The following CSMD3 variants were observed in gnomAD, a reference collection of about 807,000 sequenced individuals.
CSMD3 encodes CUB and Sushi multiple domains 3, also known as CUB and sushi domain-containing protein 3.
In CSMD3, 177 loss-of-function variants were observed where a neutral mutation model predicts 435.2. The observed-to-expected ratio is 0.41, with a 90% CI of 0.36 to 0.46. CSMD3 has a LOEUF of 0.46. Among genes scored for constraint, CSMD3 ranks in the 20% least tolerant of loss-of-function variants. The probability of loss-of-function intolerance (pLI) is 0.34; values close to 1 mark genes in which losing one functional copy is unlikely to be tolerated. For synonymous variants in CSMD3, 1,656 were observed against 1,520.5 expected, an observed-to-expected ratio of 1.09 and a Z score of -2.07; for missense variants, 4,265 against 4,504.6, an observed-to-expected ratio of 0.95 and a Z score of 1.52.
chr8:113,057,008 CTGTT>C (rs1356353972), intron 5 of CSMD3, among the ~76,000 whole-genome samples: 1 of 152,120 alleles, frequency 6.6e-6, no homozygotes, highest in African/African-American at 2.4e-5. Flanking sequence ...ATTTGGGAAG[CTGTT>C]TGCCACCACC....
intron 42 of CSMD3, among the ~76,000 whole-genome samples, chr8:112,339,675 A>C (rs1358597121): frequency 6.6e-6 from 1 of 152,182 alleles, no homozygotes; most frequent in Non-Finnish European, 1.5e-5. Context: ...ATTAATTTTC[A>C]AACTGATTCC....
intron 19 of CSMD3, among the ~76,000 whole-genome samples, chr8:112,646,627 A>G (rs1219233283): frequency 6.6e-6 from 1 of 152,176 alleles, no homozygotes; most frequent in Non-Finnish European, 1.5e-5. Context: ...ACATTTAAAC[A>G]TTTAGGAGGA....
intron 1 of CSMD3, among the ~76,000 whole-genome samples, chr8:113,432,651 C>G (rs1016972507): frequency 2.0e-4 from 31 of 152,186 alleles, no homozygotes; most frequent in African/African-American, 7.5e-4. Flanking sequence ...AGCCACAATC[C>G]CCACTCGTTG....
rs192541143 is a variant in CSMD3 at position 112,896,870 on chromosome 8, T to C, written c.1633+24757A>G. 5.4e-4 allele frequency among the ~76,000 whole-genome samples: 82 copies of C among 151,520 alleles called. No individual in the cohort carries two copies. In the East Asian group the frequency reaches 7.5e-3, roughly 14 times the overall value. ...CTCTTAGAATAAAAACAAGCTTCCA[T>C]ACCTTGGCCTATAAAAACCTGCCTC... is the stretch of plus-strand genomic sequence containing the variant. On this transcript the variant is annotated intron_variant, in intron 10 of 70. Coordinates refer to ENST00000297405, the MANE Select transcript of CSMD3 (RefSeq NM_198123.2).
chr8:113,192,597 C>CT (rs1215641134), intron 3 of CSMD3, among the ~76,000 whole-genome samples: 1 of 151,536 alleles, frequency 6.6e-6, no homozygotes, highest in Non-Finnish European at 1.5e-5. Flanking sequence ...ATATCTCTGA[C>CT]TTTTTTCTCT....
At chr8:112,379,445 G>A (rs1333519856) in intron 38 of CSMD3, among the ~76,000 whole-genome samples, 1 of 152,010 alleles carries the variant, frequency 6.6e-6, no homozygotes, top group East Asian at 1.9e-4. Context: ...TTCTAGCCTG[G>A]GCAACAAGAG....
chr8:113,364,823 C>T (rs577228454), intron 1 of CSMD3, among the ~76,000 whole-genome samples: 28 of 152,144 alleles, frequency 1.8e-4, no homozygotes, highest in African/African-American at 6.5e-4. Context: ...GATACCAAAA[C>T]ATGTTACATC....
intron 22 of CSMD3, among the ~76,000 whole-genome samples, chr8:112,635,041 A>C (rs1338382726): frequency 6.6e-6 from 1 of 151,968 alleles, no homozygotes; most frequent in Non-Finnish European, 1.5e-5. Context: ...AGATGACTTT[A>C]CATAAAAGAA....
chr8:112,965,948 C>T (rs556558006), intron 7 of CSMD3, among the ~76,000 whole-genome samples: 1 of 151,684 alleles, frequency 6.6e-6, no homozygotes, highest in Non-Finnish European at 1.5e-5. Flanking sequence ...TGGTACATTT[C>T]TGAACATGAA....
At chr8:112,804,909 C>T (rs772876882) in intron 12 of CSMD3, among the ~76,000 whole-genome samples, 2 of 152,070 alleles carry the variant, frequency 1.3e-5, no homozygotes, top group East Asian at 1.9e-4. Flanking sequence ...GTGATCTGCC[C>T]GCCTCAGCCT....
At chr8:113,256,394 T>C (rs2093381035) in intron 3 of CSMD3, among the ~76,000 whole-genome samples, 1 of 152,182 alleles carries the variant, frequency 6.6e-6, no homozygotes, top group Non-Finnish European at 1.5e-5. Context: ...CCATTCCTTA[T>C]TCCCCAGATT....
At chr8:112,539,895 G>A (rs750529793) in intron 27 of CSMD3, among the ~76,000 whole-genome samples, 16 of 151,954 alleles carry the variant, frequency 1.1e-4, no homozygotes, top group Non-Finnish European at 1.8e-4. Context: ...AAAACTAAAC[G>A]AATGTGATTA....
Position 112,796,188 on chromosome 8 carries a change from T to C in CSMD3, c.1972+3974A>G, listed in dbSNP as rs1587322574. ...TCTCAAAATCACTTAGGATATAATA[T>C]TGCATAATGGAAAAAAGAATGAAGT... On this transcript the variant is annotated intron_variant, in intron 13 of 70. Transcript: ENST00000297405. Among the ~76,000 whole-genome samples, 3 of 152,096 alleles carry C rather than the reference T, an allele frequency of 2.0e-5. No homozygotes were observed. The East Asian group carries it at 5.8e-4, about 29-fold the overall frequency.
chr8:112,840,914 A>G (rs970210146), intron 11 of CSMD3, among the ~76,000 whole-genome samples: 1 of 151,740 alleles, frequency 6.6e-6, no homozygotes, highest in African/African-American at 2.4e-5. Flanking sequence ...CAGCACTGTT[A>G]TAGTGATATA....
chr8:112,827,073 A>G (rs1177468988), intron 12 of CSMD3, among the ~76,000 whole-genome samples: 1 of 148,444 alleles, frequency 6.7e-6, no homozygotes, highest in Admixed American at 6.8e-5. Context: ...AATCCCAACA[A>G]ATGTACTCTT....
intron 45 of CSMD3, among the ~76,000 whole-genome samples, chr8:112,333,909 T>G (rs1824316995): frequency 6.6e-6 from 1 of 152,248 alleles, no homozygotes; most frequent in African/African-American, 2.4e-5. Context: ...GTTTGGCAAC[T>G]AATTCATTTT....
At chr8:112,611,148 G>A (rs1311876998) in intron 22 of CSMD3, among the ~76,000 whole-genome samples, 1 of 152,126 alleles carries the variant, frequency 6.6e-6, no homozygotes, top group African/African-American at 2.4e-5. Flanking sequence ...TCAAGTGTTT[G>A]AAATTTCATG....
At chr8:113,242,509 T>C (rs1472222655) in intron 3 of CSMD3, among the ~76,000 whole-genome samples, 2 of 152,014 alleles carry the variant, frequency 1.3e-5, no homozygotes, top group African/African-American at 4.8e-5. Context: ...TCATATATTA[T>C]TGCTAACCCC....
At chr8:113,018,662 G>T (rs2086564436) in intron 6 of CSMD3, 1 of 177,850 alleles carries the variant, frequency 5.6e-6, no homozygotes, top group South Asian at 1.2e-4. Flanking sequence ...TCCTAACAAG[G>T]TTAATTAAAC....
Sources: allele counts gnomAD v4.1 joint callset (sites outside exome capture counted in the v4.1 genomes callset), GRCh38; gene constraint gnomAD v4.1.1; transcripts MANE v1.5; gene names NCBI Gene and HGNC (gene_info 2026-07-23, HGNC 2026-07-21).